Variants in RPS6KA2 observed in about 807,000 individuals in gnomAD.
RPS6KA2 encodes the protein ribosomal protein S6 kinase A2.
In RPS6KA2, 42 loss-of-function variants were observed where a neutral mutation model predicts 91.8. The ratio of observed to expected loss-of-function variants is 0.46; its 90% CI spans 0.36 to 0.59. The LOEUF (loss-of-function observed/expected upper bound fraction) is 0.59, where lower values mean the gene tolerates loss of function less well. Among genes scored for constraint, RPS6KA2 ranks in the 20% least tolerant of loss-of-function variants. The pLI is 0.00. For missense variants in RPS6KA2, 798 were observed against 978.5 expected (o/e 0.82, Z 2.46); for synonymous variants, 414 against 393.6 (o/e 1.05, Z -0.61).
intron 6 of RPS6KA2, among the ~76,000 whole-genome samples, chr6:166,502,189 C>T (rs879623104): frequency 2.0e-5 from 3 of 151,956 alleles, no homozygotes; most frequent in South Asian, 2.1e-4. Context: ...GGCACTTAAA[C>T]GTGGTGAAAA....
chr6:166,660,386 GGGCA>G (rs139818057), intron 2 of RPS6KA2, among the ~76,000 whole-genome samples: 35,991 of 148,558 alleles, frequency 0.24, 4,269 homozygotes, highest in East Asian at 0.34. Flanking sequence ...GCATGTGTAT[GGGCA>G]TGCGTGCGTG....
At chr6:166,723,160 G>A (rs558732384) in intron 2 of RPS6KA2, among the ~76,000 whole-genome samples, 2 of 152,340 alleles carry the variant, frequency 1.3e-5, no homozygotes, top group African/African-American at 4.8e-5. Flanking sequence ...GCTGGGCTGG[G>A]GCTGGCAGGC....
chr6:166,558,015 TG>T (rs1279397366), intron 1 of RPS6KA2, among the ~76,000 whole-genome samples: 4 of 152,014 alleles, frequency 2.6e-5, no homozygotes, highest in African/African-American at 9.7e-5. Context: ...TATATATAGG[TG>T]TGTATGTATG....
At chr6:166,826,507 C>G (rs749222014) in intron 2 of RPS6KA2, among the ~76,000 whole-genome samples, 1 of 152,232 alleles carries the variant, frequency 6.6e-6, no homozygotes, top group South Asian at 2.1e-4. Flanking sequence ...GAATCTCCCA[C>G]ACACCTCCTT....
intron 12 of RPS6KA2, among the ~76,000 whole-genome samples, chr6:166,453,324 AG>A (rs1779979012): frequency 6.6e-6 from 1 of 152,196 alleles, no homozygotes; most frequent in South Asian, 2.1e-4. Flanking sequence ...TGCAACTGAC[AG>A]GGGAGTAATA....
In RPS6KA2 at chr6:166,648,111, C is replaced by T. The variant is rs111210805; in HGVS notation, c.124-109327G>A. 4.7e-5 allele frequency among the ~76,000 whole-genome samples: 7 copies of T among 149,716 alleles called. No individual in the cohort carries two copies. Among genetic ancestry groups the T allele is most frequent in the Non-Finnish European group, 8.9e-5 (6 of 67,448 alleles). ...ACACACACGCTCATACACACACGTG[C>T]ACACACACGCTCATACACATACATG... On this transcript the variant is annotated intron_variant, in intron 2 of 21. Coordinates refer to the RPS6KA2 transcript ENST00000503859. The surrounding 1 kb of genome is among the most constrained non-coding windows in gnomAD (Gnocchi z 4.8).
At chr6:166,830,012 G>A (rs981683322) in intron 2 of RPS6KA2, among the ~76,000 whole-genome samples, 2 of 151,542 alleles carry the variant, frequency 1.3e-5, no homozygotes, top group African/African-American at 4.9e-5. Flanking sequence ...TGTAATCCCA[G>A]CTACTCCAGA....
At chr6:166,745,007 G>A (rs1435589449) in intron 2 of RPS6KA2, among the ~76,000 whole-genome samples, 4 of 152,160 alleles carry the variant, frequency 2.6e-5, no homozygotes, top group Admixed American at 6.5e-5. Flanking sequence ...CACTTCTCAC[G>A]GTTCTGGAGG....
intron 2 of RPS6KA2, among the ~76,000 whole-genome samples, chr6:166,839,534 A>G (rs1373670835): frequency 6.6e-6 from 1 of 151,222 alleles, no homozygotes; most frequent in Non-Finnish European, 1.5e-5. Context: ...CTGTATATTT[A>G]TCATTATTTT....
At chr6:166,521,187 G>C (rs1176355486) in intron 3 of RPS6KA2, among the ~76,000 whole-genome samples, 1 of 152,186 alleles carries the variant, frequency 6.6e-6, no homozygotes, top group East Asian at 1.9e-4. Flanking sequence ...TTGGGGGTGT[G>C]GCTGCCCTTA....
intron 16 of RPS6KA2, among the ~76,000 whole-genome samples, chr6:166,426,215 C>T (rs1450084042): frequency 1.3e-5 from 2 of 151,138 alleles, no homozygotes; most frequent in East Asian, 1.9e-4. Context: ...GGGTACATAA[C>T]GAAATGAAGG....
chr6:166,566,343 C>T (rs1380188163), intron 1 of RPS6KA2, among the ~76,000 whole-genome samples: 8 of 152,326 alleles, frequency 5.3e-5, no homozygotes, highest in East Asian at 3.9e-4. Context: ...CCTTCACAGG[C>T]GTAGGCAGTG....
At chr6:166,855,391 GAGA>G (rs201269143) in intron 2 of RPS6KA2, among the ~76,000 whole-genome samples, 6,209 of 151,282 alleles carry the variant, frequency 0.041, 161 homozygotes, top group Middle Eastern at 0.099. Context: ...GAAGAAAAAG[GAGA>G]AGGAGGAGGA....
At chr6:166,713,990 C>T (rs1362641882) in intron 2 of RPS6KA2, among the ~76,000 whole-genome samples, 1 of 152,228 alleles carries the variant, frequency 6.6e-6, no homozygotes, top group Non-Finnish European at 1.5e-5. Context: ...CCACAATGGC[C>T]TCCCTGATCC....
chr6:166,837,225 C>T (rs138505372), intron 2 of RPS6KA2, among the ~76,000 whole-genome samples: 84 of 152,236 alleles, frequency 5.5e-4, no homozygotes, highest in South Asian at 4.1e-3. Flanking sequence ...GGTGGGAGGG[C>T]GCCCTGCCCA....
rs754833976 is a variant in RPS6KA2, at chr6:166,770,812, T to C, written c.123+87388A>G. 2 of 1,484,448 alleles carry C rather than the reference T, an allele frequency of 1.3e-6. No individual in the cohort carries two copies. The highest frequency in any genetic ancestry group is 2.2e-5 in the Admixed American group (1 of 44,746). The allele number at this position is 1,484,448 out of a possible 1,614,324, so 92.0% of individuals were successfully genotyped here. A position where few individuals can be genotyped will look rare whatever the true frequency, so the allele number is the denominator to read the frequency against. On this transcript the variant is annotated intron_variant, in intron 2 of 21. Coordinates refer to the RPS6KA2 transcript ENST00000503859. This position sits in a 1 kb window ranked among gnomAD's most constrained non-coding sequence, Gnocchi z 5.1. ...CTTCATGTTTAACTTAAAAAAAAAA[T>C]GTAACTCACATAAGCATGGAAAAAA...
chr6:166,761,759 C>T (rs1778176296), intron 2 of RPS6KA2, among the ~76,000 whole-genome samples: 1 of 152,214 alleles, frequency 6.6e-6, no homozygotes, highest in African/African-American at 2.4e-5. Context: ...GTGAGTTGTA[C>T]CTTTCCCCTT....
intron 2 of RPS6KA2, among the ~76,000 whole-genome samples, chr6:166,691,646 G>A (rs1470157579): frequency 6.6e-6 from 1 of 152,044 alleles, no homozygotes; most frequent in Non-Finnish European, 1.5e-5. Flanking sequence ...ATTTTGACAC[G>A]ACTTACCTGC....
rs894340819 is a variant in RPS6KA2, at chr6:166,508,577, G to C, written c.380-295C>G. On this transcript the variant is annotated intron_variant, in intron 4 of 20. Coordinates refer to ENST00000265678, the MANE Select transcript of RPS6KA2 (RefSeq NM_021135.6). The surrounding 1 kb of genome is among the most constrained non-coding windows in gnomAD (Gnocchi z 4.3). ...CACAAAGGAATTGAAAGATACACGGGGAGAAAGATGTGAATATTTAAGCTG... is the reference window on the plus strand; with the variant it reads ...CACAAAGGAATTGAAAGATACACGGCGAGAAAGATGTGAATATTTAAGCTG... Among the ~76,000 whole-genome samples, 2 of 152,162 alleles carry C rather than the reference G, an allele frequency of 1.3e-5. No individual in the cohort carries two copies. The highest frequency in any genetic ancestry group is 4.8e-5 in the African/African-American group (2 of 41,422).
Sources: allele counts gnomAD v4.1 joint callset (sites outside exome capture counted in the v4.1 genomes callset), GRCh38; gene constraint gnomAD v4.1.1; non-coding constraint Gnocchi (gnomAD v3.1); transcripts MANE v1.5; gene names NCBI Gene and HGNC (gene_info 2026-07-23, HGNC 2026-07-21).